Variants in ZBTB44 observed in about 807,000 individuals in gnomAD.
ZBTB44 encodes the protein zinc finger and BTB domain containing 44.
ZBTB44 carries 15 observed loss-of-function variants against 54.0 expected under a neutral mutation model. The observed-to-expected ratio is 0.28, with a 90% CI of 0.19 to 0.43. The LOEUF is 0.43. Among genes scored for constraint, ZBTB44 ranks in the 20% least tolerant of loss-of-function variants. ZBTB44 has a pLI of 1.00. For missense variants in ZBTB44, 487 were observed against 707.1 expected (o/e 0.69, Z 3.53); for synonymous variants, 230 against 250.1 (o/e 0.92, Z 0.76).
intron 1 of ZBTB44, among the ~76,000 whole-genome samples, chr11:130,276,545 T>C (rs1182032877): frequency 2.0e-5 from 3 of 151,810 alleles, no homozygotes; most frequent in Non-Finnish European, 4.4e-5. Context: ...AGTGATTCTC[T>C]TGCTTCAGCC....
chr11:130,270,180 T>C (rs1260798727), intron 1 of ZBTB44, among the ~76,000 whole-genome samples: 1 of 152,192 alleles, frequency 6.6e-6, no homozygotes, highest in Admixed American at 6.5e-5. Context: ...TATTTAAATA[T>C]GCAGCCACAT....
intron 1 of ZBTB44, among the ~76,000 whole-genome samples, chr11:130,273,397 T>A (rs1344323703): frequency 6.6e-6 from 1 of 150,648 alleles, no homozygotes; most frequent in Non-Finnish European, 1.5e-5. Context: ...GAAGCCTTGA[T>A]CTGCTGGGCT....
intron 2 of ZBTB44, among the ~76,000 whole-genome samples, chr11:130,250,996 A>G (rs1352763624): frequency 6.6e-6 from 1 of 152,192 alleles, no homozygotes; most frequent in Non-Finnish European, 1.5e-5. Context: ...ACTCCTCTCC[A>G]CTAACGGAGC....
At chr11:130,238,310 G>GCTA in intron 4 of ZBTB44, 134 bp downstream of exon 4, 1 of 1,139,084 alleles carries the variant, frequency 8.8e-7, no homozygotes, top group South Asian at 1.7e-5. Context: ...ATAAACCTTA[G>GCTA]CTAATCTGTT....
At chr11:130,260,390 G>A (rs1356390852) in intron 2 of ZBTB44, among the ~76,000 whole-genome samples, 2 of 152,090 alleles carry the variant, frequency 1.3e-5, no homozygotes, top group Non-Finnish European at 2.9e-5. Context: ...TCTTTCCTTT[G>A]TTGCAACCAT....
intron 1 of ZBTB44, among the ~76,000 whole-genome samples, chr11:130,284,789 C>T (rs1335846519): frequency 2.0e-5 from 3 of 152,088 alleles, no homozygotes; most frequent in African/African-American, 7.2e-5. Flanking sequence ...TCGCTTGAAC[C>T]CAGGAGGTAG....
At chr11:130,282,009 C>T (rs1382098893) in intron 1 of ZBTB44, among the ~76,000 whole-genome samples, 1 of 152,138 alleles carries the variant, frequency 6.6e-6, no homozygotes, top group African/African-American at 2.4e-5. Flanking sequence ...TATGATCATG[C>T]CACCACACTC....
chr11:130,302,114 T>C (rs904743431), intron 1 of ZBTB44, among the ~76,000 whole-genome samples: 7 of 151,838 alleles, frequency 4.6e-5, no homozygotes, highest in South Asian at 2.1e-4. Flanking sequence ...TAGTACCCAA[T>C]ATGTGCCAAG....
intron 1 of ZBTB44, among the ~76,000 whole-genome samples, chr11:130,266,477 C>T (rs1939257627): frequency 6.6e-6 from 1 of 152,182 alleles, no homozygotes; most frequent in Non-Finnish European, 1.5e-5. Flanking sequence ...TTAAGGAATA[C>T]ATTTCAAAAG....
At chr11:130,305,176 T>C (rs1942199587) in intron 1 of ZBTB44, among the ~76,000 whole-genome samples, 1 of 152,184 alleles carries the variant, frequency 6.6e-6, no homozygotes, top group Non-Finnish European at 1.5e-5. Context: ...GACAATGACC[T>C]TACTGCCAAA....
At chr11:130,281,957 A>C (rs1245771122) in intron 1 of ZBTB44, among the ~76,000 whole-genome samples, 2 of 151,460 alleles carry the variant, frequency 1.3e-5, no homozygotes, top group Non-Finnish European at 2.9e-5. Context: ...GTTCTCCAAT[A>C]CCCTATTTGC....
intron 1 of ZBTB44, among the ~76,000 whole-genome samples, chr11:130,262,389 T>C (rs1398095454): frequency 2.0e-5 from 3 of 152,182 alleles, no homozygotes; most frequent in African/African-American, 7.2e-5. Flanking sequence ...TAGGCCTGCC[T>C]AGGCCTCCCA....
intron 1 of ZBTB44, among the ~76,000 whole-genome samples, chr11:130,309,819 G>C (rs1033684967): frequency 2.0e-5 from 3 of 150,794 alleles, no homozygotes; most frequent in Non-Finnish European, 3.0e-5. Context: ...TTGAACCCAG[G>C]GGGCAGAGGT....
At chr11:130,235,666 T>TA (rs756869897) in intron 5 of ZBTB44, among the ~76,000 whole-genome samples, 101 of 142,162 alleles carry the variant, frequency 7.1e-4, no homozygotes, top group African/African-American at 1.9e-3. Context: ...TCTATTCAAT[T>TA]AAAAAAAAAA....
At chr11:130,242,781 T>C (rs540117353) in intron 2 of ZBTB44, among the ~76,000 whole-genome samples, 2 of 152,330 alleles carry the variant, frequency 1.3e-5, no homozygotes, top group South Asian at 4.1e-4. Flanking sequence ...TTCTTTTTAC[T>C]ATTCCTGTTT....
intron 1 of ZBTB44, among the ~76,000 whole-genome samples, chr11:130,279,667 C>G (rs536913118): frequency 2.6e-5 from 4 of 151,876 alleles, no homozygotes; most frequent in Admixed American, 6.6e-5. Flanking sequence ...TCAAAACCAA[C>G]CAACCAACCA....
At chr11:130,273,965 G>A (rs1939868863) in intron 1 of ZBTB44, among the ~76,000 whole-genome samples, 1 of 146,094 alleles carries the variant, frequency 6.8e-6, no homozygotes, top group African/African-American at 2.5e-5. Context: ...GCACATGCCT[G>A]TAATCCCAGC....
At chr11:130,233,062 C>A in intron 7 of ZBTB44, 3 of 411,552 alleles carry the variant, frequency 7.3e-6, no homozygotes, top group East Asian at 3.9e-5. Context: ...TTATTATGTC[C>A]AAAAGAGCAC....
intron 1 of ZBTB44, among the ~76,000 whole-genome samples, chr11:130,299,911 AT>A (rs989697028): frequency 1.4e-4 from 21 of 152,238 alleles, no homozygotes; most frequent in African/African-American, 4.8e-4. Context: ...AGCAACCCAA[AT>A]GTCCACAAGA....
Sources: gnomAD v4.1 joint callset for allele counts (sites outside exome capture counted in the v4.1 genomes callset) on GRCh38, gnomAD v4.1.1 for gene constraint, MANE v1.5 for transcripts, NCBI Gene and HGNC (gene_info 2026-07-23, HGNC 2026-07-21) for gene names.